The following EEF2K variants were observed in gnomAD, a reference collection of about 807,000 sequenced individuals.
The protein encoded by EEF2K is alternative protein EEF2K.
In EEF2K, 70 loss-of-function variants were observed where a neutral mutation model predicts 93.8. The ratio of observed to expected loss-of-function variants is 0.75; its 90% CI spans 0.62 to 0.91. The LOEUF (loss-of-function observed/expected upper bound fraction) is 0.91, where lower values mean the gene tolerates loss of function less well. Ranked by LOEUF, EEF2K falls within the 40% of genes least tolerant of loss-of-function variation. The pLI is 0.00. For missense variants in EEF2K, 935 were observed against 972.9 expected, an observed-to-expected ratio of 0.96 and a Z score of 0.52; for synonymous variants, 376 against 380.8, an observed-to-expected ratio of 0.99 and a Z score of 0.15.
intron 17 of EEF2K, among the ~76,000 whole-genome samples, 190 bp downstream of exon 17, chr16:22,280,566 G>T (rs1297178886): frequency 6.6e-6 from 1 of 151,958 alleles, no homozygotes; most frequent in Non-Finnish European, 1.5e-5. Context: ...TTTGTAGGGG[G>T]TTTTTGCAAT....
At chr16:22,264,560 C>T (rs1025377645) in intron 12 of EEF2K, among the ~76,000 whole-genome samples, 2 of 152,166 alleles carry the variant, frequency 1.3e-5, no homozygotes, top group African/African-American at 2.4e-5. Flanking sequence ...AAGTCAGTTC[C>T]ACCTGCTCAC....
chr16:22,227,784 A>G (rs1443713736), intron 2 of EEF2K, among the ~76,000 whole-genome samples: 1 of 151,914 alleles, frequency 6.6e-6, no homozygotes, highest in Non-Finnish European at 1.5e-5. Context: ...CACTGAAAAA[A>G]ATGATCTCAT....
intron 11 of EEF2K, among the ~76,000 whole-genome samples, chr16:22,261,222 A>G (rs965572258): frequency 2.6e-5 from 4 of 151,896 alleles, no homozygotes; most frequent in African/African-American, 9.7e-5. Context: ...AAAAAATACA[A>G]AAGTTAGCCA....
At chr16:22,241,087 T>C (rs887528122) in intron 2 of EEF2K, among the ~76,000 whole-genome samples, 45 of 151,980 alleles carry the variant, frequency 3.0e-4, no homozygotes, top group East Asian at 1.9e-4. Context: ...CTTAAATATG[T>C]GTTTATGTTC....
rs367565903 is a variant in EEF2K at position 22,264,896 on chromosome 16, G to A, written c.1440+16G>A. The A allele has an allele frequency of 1.7e-5, 27 of 1,613,718 alleles. No individual in the cohort carries two copies. The highest frequency in any genetic ancestry group is 2.2e-5 in the South Asian group (2 of 91,080). On this transcript the variant is annotated intron_variant, in intron 13 of 17. Coordinates refer to ENST00000263026, the MANE Select transcript of EEF2K (RefSeq NM_013302.5). Reference sequence around the variant, plus strand: ...CTCTGGACGGGTAATGCGCCCTGAGGCACCCTTGTCTCTGCCTCTTCCCTG... The same window carrying A: ...CTCTGGACGGGTAATGCGCCCTGAGACACCCTTGTCTCTGCCTCTTCCCTG...
intron 3 of EEF2K, among the ~76,000 whole-genome samples, chr16:22,245,359 C>T (rs62044769): frequency 0.14 from 21,517 of 152,170 alleles, 1,938 homozygotes; most frequent in East Asian, 0.52. Flanking sequence ...GACCCACGCA[C>T]TTCAAACCCA....
Position 22,256,881 on chromosome 16 carries a change from T to C in EEF2K, c.752T>C (p.Ile251Thr), listed in dbSNP as rs1016122866. 3 of 1,613,916 alleles carry C rather than the reference T, an allele frequency of 1.9e-6. No individual in the cohort carries two copies. In the African/African-American group the frequency reaches 4.0e-5, roughly 22 times the overall value. ...TCTGGCTTTGTCCGCGATGACAACA[T>C]CCGCCTGACGCCGCAGGTGAGGCCG... The part of the protein sequence containing the change: ...SNSGFVRDDN[I>T]RLTPQAFSHF... Residue 251 changes from isoleucine (I) to threonine (T), a missense_variant, in exon 7 of 18, where the codon ATC (isoleucine) becomes ACC (threonine). Transcript: ENST00000263026.
At chr16:22,250,523 G>C in intron 4 of EEF2K, 131 bp from the exon 5 acceptor site, 2 of 1,074,114 alleles carry the variant, frequency 1.9e-6, no homozygotes, top group Admixed American at 2.1e-5. Context: ...GAGATCCCCA[G>C]GGATTTCAGG....
At chr16:22,248,725 C>T (rs2047319051) in intron 3 of EEF2K, 30 bp from the exon 4 acceptor site, 2 of 1,613,002 alleles carry the variant, frequency 1.2e-6, no homozygotes, top group African/African-American at 1.3e-5. Flanking sequence ...GTGATGGACG[C>T]TGTGCCCCAT....
intron 1 of EEF2K, among the ~76,000 whole-genome samples, chr16:22,208,132 G>A (rs746676658): frequency 6.6e-6 from 1 of 152,206 alleles, no homozygotes; most frequent in African/African-American, 2.4e-5. Context: ...GGTGGGGTCC[G>A]AAGTTCTTAT....
intron 3 of EEF2K, among the ~76,000 whole-genome samples, chr16:22,246,047 C>T (rs140599587): frequency 4.4e-4 from 67 of 152,238 alleles, no homozygotes; most frequent in Middle Eastern, 3.4e-3. Context: ...CCTACAAGAC[C>T]GTCCCCGACT....
chr16:22,282,860 G>T (rs147994298), intron 17 of EEF2K, among the ~76,000 whole-genome samples: 265 of 152,314 alleles, frequency 1.7e-3, no homozygotes, highest in African/African-American at 6.1e-3. Context: ...CATGAATGAA[G>T]AGTTCAACAT....
chr16:22,226,036 T>C, intron 2 of EEF2K, 61 bp downstream of exon 2: 1 of 1,586,364 alleles, frequency 6.3e-7, no homozygotes, highest in Middle Eastern at 1.7e-4. Context: ...GGATGGAGGG[T>C]TGGAGTCGCT....
intron 16 of EEF2K, among the ~76,000 whole-genome samples, chr16:22,279,236 CTTT>C (rs143168233): frequency 3.0e-4 from 40 of 135,222 alleles, no homozygotes; most frequent in Admixed American, 8.3e-4. Flanking sequence ...CTTGACTCCT[CTTT>C]TTTTTTTTTT....
intron 1 of EEF2K, among the ~76,000 whole-genome samples, chr16:22,216,138 A>G (rs1017111945): frequency 2.0e-5 from 3 of 152,154 alleles, no homozygotes; most frequent in Non-Finnish European, 4.4e-5. Flanking sequence ...TGTAGAGGAC[A>G]AGCTGTTAGC....
intron 1 of EEF2K, among the ~76,000 whole-genome samples, chr16:22,219,956 C>G (rs1377064574): frequency 6.6e-6 from 1 of 152,160 alleles, no homozygotes; most frequent in Non-Finnish European, 1.5e-5. Flanking sequence ...GGGCACACTC[C>G]CTTTAAGAAC....
intron 2 of EEF2K, among the ~76,000 whole-genome samples, chr16:22,235,332 C>T (rs1044596398): frequency 2.7e-5 from 4 of 148,364 alleles, no homozygotes; most frequent in African/African-American, 1.0e-4. Flanking sequence ...TAGAATCATG[C>T]TATATATGTC....
intron 7 of EEF2K, 31 bp from the exon 8 acceptor site, chr16:22,257,222 G>T: frequency 1.2e-6 from 2 of 1,613,926 alleles, no homozygotes; most frequent in South Asian, 2.2e-5. Flanking sequence ...CCTGTCTCTT[G>T]ACATCTCGTT....
intron 11 of EEF2K, among the ~76,000 whole-genome samples, chr16:22,262,279 A>G (rs1264004457): frequency 6.6e-6 from 1 of 152,152 alleles, no homozygotes; most frequent in Non-Finnish European, 1.5e-5. Flanking sequence ...TGGGAGTCCA[A>G]GGCAGGCGGA....
Sources: allele counts gnomAD v4.1 joint callset (sites outside exome capture counted in the v4.1 genomes callset), GRCh38; gene constraint gnomAD v4.1.1; transcripts MANE v1.5; gene names NCBI Gene and HGNC (gene_info 2026-07-23, HGNC 2026-07-21).